ZFHX3: variants seen among roughly 807,000 people sequenced by gnomAD.
The protein encoded by ZFHX3 is zinc finger homeobox protein 3.
Under a neutral mutation model 279.1 loss-of-function variants are expected in ZFHX3, and 42 were observed. The observed-to-expected ratio is 0.15, with a 90% CI of 0.12 to 0.19. The LOEUF (loss-of-function observed/expected upper bound fraction) is 0.19, where lower values mean the gene tolerates loss of function less well. Among genes scored for constraint, ZFHX3 ranks in the 10% least tolerant of loss-of-function variants. The pLI is 1.00. For missense variants in ZFHX3, 4,981 were observed against 4,754.0 expected, an observed-to-expected ratio of 1.05 and a Z score of -1.40; for synonymous variants, 2,293 against 1,957.8, an observed-to-expected ratio of 1.17 and a Z score of -4.52.
intron 1 of ZFHX3, among the ~76,000 whole-genome samples, chr16:72,978,624 G>A (rs778221748): frequency 3.3e-5 from 5 of 152,160 alleles, no homozygotes; most frequent in Non-Finnish European, 5.9e-5. Context: ...GGAGAGCATC[G>A]GCCGGGGGTG....
chr16:73,316,765 C>T (rs1329161663), intron 4 of ZFHX3, among the ~76,000 whole-genome samples: 2 of 152,144 alleles, frequency 1.3e-5, no homozygotes, highest in African/African-American at 4.8e-5. Flanking sequence ...TTCACATTCA[C>T]GCTGCACTCC....
At chr16:73,813,915 A>T (rs983884859) in intron 1 of ZFHX3, 1 of 152,212 alleles carries the variant, frequency 6.6e-6, no homozygotes, top group African/African-American at 2.4e-5. Context: ...ATATTTGCTT[A>T]ATCTACTATT....
chr16:72,833,008 G>A (rs750242296), intron 4 of ZFHX3, among the ~76,000 whole-genome samples: 1 of 152,232 alleles, frequency 6.6e-6, no homozygotes, highest in Non-Finnish European at 1.5e-5. Context: ...AATAAAGGTA[G>A]AGAAATGATT....
chr16:72,880,456 G>A (rs1042302815), intron 4 of ZFHX3, among the ~76,000 whole-genome samples: 7 of 152,056 alleles, frequency 4.6e-5, no homozygotes, highest in Non-Finnish European at 1.0e-4. Flanking sequence ...ACACCAGGGG[G>A]ACTCACAGAG....
intron 1 of ZFHX3, among the ~76,000 whole-genome samples, chr16:73,036,019 A>T (rs1964888066): frequency 6.6e-6 from 1 of 152,236 alleles, no homozygotes; most frequent in African/African-American, 2.4e-5. Context: ...TCAAGAGAAG[A>T]CTTCTCCCTT....
At chr16:73,055,211 G>C (rs1361735526) in intron 1 of ZFHX3, among the ~76,000 whole-genome samples, 1 of 151,854 alleles carries the variant, frequency 6.6e-6, no homozygotes, top group African/African-American at 2.4e-5. Context: ...TTTGTAACCG[G>C]ATCTAGAGAC....
chr16:72,953,366 T>C (rs771727299), intron 2 of ZFHX3, among the ~76,000 whole-genome samples: 2 of 151,532 alleles, frequency 1.3e-5, no homozygotes, highest in African/African-American at 2.4e-5. Flanking sequence ...CCAGGAAACA[T>C]ACTCAGTGTT....
At chr16:73,111,742 G>A (rs11641379) in intron 7 of ZFHX3, among the ~76,000 whole-genome samples, 38,965 of 151,294 alleles carry the variant, frequency 0.26, 6,236 homozygotes, top group East Asian at 0.45. Flanking sequence ...GACAGAGGGA[G>A]GGAGGAAGGA....
At chr16:73,330,108 C>T (rs2015771560) in intron 3 of ZFHX3, among the ~76,000 whole-genome samples, 1 of 151,814 alleles carries the variant, frequency 6.6e-6, no homozygotes, top group Non-Finnish European at 1.5e-5. Flanking sequence ...CAAGTAGAGT[C>T]AGTATGAGCA....
At chr16:73,506,413 G>A (rs1342635219) in intron 2 of ZFHX3, among the ~76,000 whole-genome samples, 3 of 152,102 alleles carry the variant, frequency 2.0e-5, no homozygotes, top group Non-Finnish European at 4.4e-5. Context: ...CATATGGTGG[G>A]AAATACAGTC....
At chr16:73,623,073 T>G (rs377206326) in intron 2 of ZFHX3, among the ~76,000 whole-genome samples, 1 of 151,974 alleles carries the variant, frequency 6.6e-6, no homozygotes, top group Non-Finnish European at 1.5e-5. Context: ...GTCTGGCTCT[T>G]TCGCCCAGGC....
intron 2 of ZFHX3, among the ~76,000 whole-genome samples, chr16:73,520,506 G>A (rs955142971): frequency 3.9e-5 from 6 of 152,276 alleles, no homozygotes; most frequent in African/African-American, 1.4e-4. Context: ...GTTTATAAAT[G>A]TTGGGCTTCT....
intron 5 of ZFHX3, among the ~76,000 whole-genome samples, chr16:73,168,211 T>TTTTTCTTTC: frequency 1.1e-5 from 1 of 95,222 alleles, no homozygotes; most frequent in Non-Finnish European, 2.1e-5. Flanking sequence ...GTTTCTTTTG[T>TTTTTCTTTC]TTTCTTTCTT....
intron 1 of ZFHX3, among the ~76,000 whole-genome samples, chr16:73,871,051 C>T (rs1306007952): frequency 1.3e-5 from 2 of 152,106 alleles, no homozygotes; most frequent in African/African-American, 4.8e-5. Context: ...AAGAGACTTT[C>T]GTGGGTCAGA....
At chr16:72,940,587 T>C (rs1233355723) in intron 3 of ZFHX3, among the ~76,000 whole-genome samples, 2 of 151,804 alleles carry the variant, frequency 1.3e-5, no homozygotes, top group African/African-American at 2.4e-5. Context: ...GGTCCAGTCA[T>C]CCTCCAGGAA....
chr16:73,789,031 T>A (rs760671677), intron 1 of ZFHX3, among the ~76,000 whole-genome samples: 14 of 150,512 alleles, frequency 9.3e-5, no homozygotes, highest in Non-Finnish European at 1.8e-4. Flanking sequence ...GACATCAGTG[T>A]GTTTATGTAT....
rs2016166949 is a variant in ZFHX3, at chr16:73,348,712, G to A, written c.-1290-30376C>T. 2.0e-5 allele frequency among the ~76,000 whole-genome samples: 3 copies of A among 152,196 alleles called. No individual in the cohort carries two copies. In the South Asian group the frequency reaches 6.2e-4, roughly 32 times the overall value. On this transcript the variant is annotated intron_variant, in intron 3 of 17. Transcript: ENST00000641206. Reference sequence around the variant, plus strand: ...ACACGTTCTTTGCACTGAACCCTTGGTGCTCATTTGGGAGGCTCTTGTGGG... The same window carrying A: ...ACACGTTCTTTGCACTGAACCCTTGATGCTCATTTGGGAGGCTCTTGTGGG...
chr16:73,165,648 G>T (rs1042625566), intron 5 of ZFHX3, among the ~76,000 whole-genome samples: 1 of 152,170 alleles, frequency 6.6e-6, no homozygotes, highest in African/African-American at 2.4e-5. Context: ...ATGGCAAATC[G>T]CTGGAGTCTT....
intron 5 of ZFHX3, among the ~76,000 whole-genome samples, chr16:73,196,663 A>G (rs1364841041): frequency 6.6e-6 from 1 of 152,112 alleles, no homozygotes; most frequent in Non-Finnish European, 1.5e-5. Context: ...GTAGCTATGG[A>G]ATGAAAATGT....
Sources: gnomAD v4.1 joint callset for allele counts (sites outside exome capture counted in the v4.1 genomes callset) on GRCh38, gnomAD v4.1.1 for gene constraint, MANE v1.5 for transcripts, NCBI Gene and HGNC (gene_info 2026-07-23, HGNC 2026-07-21) for gene names.